The following CNTNAP2 variants were observed in gnomAD, a reference collection of about 807,000 sequenced individuals.
CNTNAP2 encodes contactin-associated protein-like 2.
Under a neutral mutation model 155.2 loss-of-function variants are expected in CNTNAP2, and 98 were observed. The observed-to-expected ratio is 0.63, with a 90% CI of 0.54 to 0.75. The LOEUF is 0.75. Ranked by LOEUF, CNTNAP2 falls within the 30% of genes least tolerant of loss-of-function variation. CNTNAP2 has a pLI of 0.00. For synonymous variants in CNTNAP2, 651 were observed against 631.2 expected, an observed-to-expected ratio of 1.03 and a Z score of -0.47; for missense variants, 1,727 against 1,688.1, an observed-to-expected ratio of 1.02 and a Z score of -0.40.
At chr7:147,597,718 C>T (rs1800851255) in intron 12 of CNTNAP2, among the ~76,000 whole-genome samples, 2 of 152,144 alleles carry the variant, frequency 1.3e-5, no homozygotes, top group Admixed American at 1.3e-4. Flanking sequence ...TCCTTCAGCC[C>T]CTTCATCACT....
chr7:147,223,761 T>C (rs1358060247), intron 8 of CNTNAP2, among the ~76,000 whole-genome samples: 4 of 151,534 alleles, frequency 2.6e-5, no homozygotes, highest in African/African-American at 9.7e-5. Flanking sequence ...ACAAACATGG[T>C]GGAACCCCAT....
intron 1 of CNTNAP2, among the ~76,000 whole-genome samples, chr7:146,527,128 T>G (rs1192151421): frequency 6.6e-6 from 1 of 152,096 alleles, no homozygotes; most frequent in East Asian, 1.9e-4. Flanking sequence ...TTACAAAATA[T>G]GTAATGATTT....
At chr7:147,542,353 C>T (rs1451930218) in intron 11 of CNTNAP2, among the ~76,000 whole-genome samples, 2 of 151,270 alleles carry the variant, frequency 1.3e-5, no homozygotes, top group African/African-American at 2.4e-5. Context: ...AGAGTTTGTA[C>T]TGGACAGCAG....
chr7:147,470,940 T>C (rs148935086), intron 10 of CNTNAP2, among the ~76,000 whole-genome samples: 54 of 151,946 alleles, frequency 3.6e-4, no homozygotes, highest in Non-Finnish European at 6.3e-4. Flanking sequence ...TTCAGGGAAA[T>C]GAAGATTGAG....
At chr7:146,310,675 G>C (rs1248163182) in intron 1 of CNTNAP2, among the ~76,000 whole-genome samples, 1 of 151,788 alleles carries the variant, frequency 6.6e-6, no homozygotes, top group Non-Finnish European at 1.5e-5. Flanking sequence ...TATTACCATT[G>C]TGATTACTTT....
At chr7:148,244,570 T>G (rs1043627850) in intron 20 of CNTNAP2, among the ~76,000 whole-genome samples, 1 of 151,524 alleles carries the variant, frequency 6.6e-6, no homozygotes, top group Non-Finnish European at 1.5e-5. Context: ...TTTTGGGTTT[T>G]TTTTTTTTTC....
In CNTNAP2 at chr7:148,419,394, A is replaced by G. The variant is rs1339574817; in HGVS notation, c.*3778A>G. On this transcript the variant is annotated 3_prime_UTR_variant, in exon 24 of 24. Transcript: ENST00000361727. ...TGTCCCCAGCTGACTTCAGCTAAGA[A>G]CCAATGGCTCCTACCCCCGCCCCGC... is the stretch of plus-strand genomic sequence containing the variant. The G allele has an allele frequency of 6.6e-6, 1 of 152,380 alleles. No individual in the cohort carries two copies. Among genetic ancestry groups the G allele is most frequent in the East Asian group, 1.9e-4 (1 of 5,186 alleles). 9.4% of individuals were successfully genotyped at this position (152,380 alleles called of 1,614,324 possible).
At chr7:148,334,421 GC>G (rs1563047626) in intron 21 of CNTNAP2, among the ~76,000 whole-genome samples, 2 of 152,182 alleles carry the variant, frequency 1.3e-5, no homozygotes, top group Non-Finnish European at 2.9e-5. Flanking sequence ...CAGGCTATAA[GC>G]AAAAATCTAA....
chr7:147,000,123 C>T (rs996315436), intron 3 of CNTNAP2, among the ~76,000 whole-genome samples: 2 of 151,734 alleles, frequency 1.3e-5, no homozygotes, highest in African/African-American at 2.4e-5. Flanking sequence ...TTTAGAGAAT[C>T]CTCTTCCACT....
At chr7:147,378,424 T>C (rs1384147895) in intron 9 of CNTNAP2, among the ~76,000 whole-genome samples, 2 of 152,058 alleles carry the variant, frequency 1.3e-5, no homozygotes, top group African/African-American at 2.4e-5. Context: ...TATTCAGCCA[T>C]ATAAAAGAAT....
At chr7:146,796,486 G>C (rs1802770803) in intron 2 of CNTNAP2, among the ~76,000 whole-genome samples, 1 of 152,090 alleles carries the variant, frequency 6.6e-6, no homozygotes, top group Admixed American at 6.5e-5. Context: ...TTCTCCTGGG[G>C]TACTTTGGAC....
intron 21 of CNTNAP2, among the ~76,000 whole-genome samples, chr7:148,273,971 C>CG (rs1796827603): frequency 6.6e-6 from 1 of 152,184 alleles, no homozygotes. Context: ...ACAGAAGGAA[C>CG]TGACATACTT....
At chr7:147,555,638 A>T (rs2116773734) in intron 11 of CNTNAP2, among the ~76,000 whole-genome samples, 1 of 152,324 alleles carries the variant, frequency 6.6e-6, no homozygotes, top group East Asian at 1.9e-4. Flanking sequence ...ACTGCTTATG[A>T]TGTTCCAAAG....
intron 15 of CNTNAP2, among the ~76,000 whole-genome samples, chr7:148,061,985 AG>A (rs1803158390): frequency 1.5e-5 from 2 of 136,870 alleles, no homozygotes; most frequent in Admixed American, 7.6e-5. Flanking sequence ...ATAGATAGAT[AG>A]ATAGATAGAT....
At chr7:146,518,495 C>T (rs530810304) in intron 1 of CNTNAP2, among the ~76,000 whole-genome samples, 164 of 151,804 alleles carry the variant, frequency 1.1e-3, no homozygotes, top group Non-Finnish European at 1.6e-3. Flanking sequence ...AAACTTTATC[C>T]TGAGTCACCT....
intron 13 of CNTNAP2, among the ~76,000 whole-genome samples, chr7:147,663,593 G>A (rs1435054315): frequency 6.6e-6 from 1 of 152,212 alleles, no homozygotes; most frequent in Non-Finnish European, 1.5e-5. Context: ...AAAGCAACGT[G>A]GCCAAACAAT....
chr7:147,757,030 G>GA (rs1444506132), intron 13 of CNTNAP2, among the ~76,000 whole-genome samples: 1 of 152,116 alleles, frequency 6.6e-6, no homozygotes, highest in Admixed American at 6.6e-5. Flanking sequence ...AATAACCTCT[G>GA]AAAAAATGCA....
rs193188153 is a variant in CNTNAP2, at chr7:146,726,171, G to A, written c.98-48100G>A. Reference sequence around the variant, plus strand: ...AGGTATTCTCTACAGTGTATCATTGGTATAGAGAAACAAAGGTTTTCTTTC... The same window carrying A: ...AGGTATTCTCTACAGTGTATCATTGATATAGAGAAACAAAGGTTTTCTTTC... On this transcript the variant is annotated intron_variant, in intron 1 of 23. Transcript: ENST00000361727. Among the ~76,000 whole-genome samples, 264 of 152,164 alleles carry A rather than the reference G, an allele frequency of 1.7e-3. 1 individual carries two copies. Among genetic ancestry groups the A allele is most frequent in the Admixed American group, 4.1e-3 (63 of 15,268 alleles).
At chr7:147,302,078 T>A (rs982079961) in intron 9 of CNTNAP2, among the ~76,000 whole-genome samples, 1 of 152,242 alleles carries the variant, frequency 6.6e-6, no homozygotes, top group Non-Finnish European at 1.5e-5. Context: ...AGCTGTCTTA[T>A]GAGTGAATGA....
Sources: allele counts gnomAD v4.1 joint callset (sites outside exome capture counted in the v4.1 genomes callset), GRCh38; gene constraint gnomAD v4.1.1; transcripts MANE v1.5; gene names NCBI Gene and HGNC (gene_info 2026-07-23, HGNC 2026-07-21).